Variants in CTNNA3 observed in about 807,000 individuals in gnomAD.
The protein encoded by CTNNA3 is catenin alpha 3.
A neutral mutation model predicts 95.7 loss-of-function variants in CTNNA3; 76 were observed. The ratio of observed to expected loss-of-function variants is 0.79; its 90% CI spans 0.66 to 0.96. The LOEUF (loss-of-function observed/expected upper bound fraction) is 0.96. Ranked by LOEUF, CTNNA3 falls within the 40% of genes least tolerant of loss-of-function variation. The pLI, the probability that CTNNA3 is intolerant of heterozygous loss-of-function variation, is 0.00. For synonymous variants in CTNNA3, 431 were observed against 374.4 expected, an observed-to-expected ratio of 1.15 and a Z score of -1.74; for missense variants, 1,191 against 1,089.8, an observed-to-expected ratio of 1.09 and a Z score of -1.31.
intron 11 of CTNNA3, among the ~76,000 whole-genome samples, chr10:66,439,270 G>A (rs937075528): frequency 2.0e-5 from 3 of 151,980 alleles, no homozygotes; most frequent in African/African-American, 7.3e-5. Context: ...ATTTGTATTT[G>A]TATAATGAGA....
intron 1 of CTNNA3, among the ~76,000 whole-genome samples, chr10:67,727,136 T>A (rs1354082941): frequency 8.2e-6 from 1 of 122,298 alleles, no homozygotes; most frequent in East Asian, 2.3e-4. Context: ...ATATAATATA[T>A]GATACATATA....
intron 11 of CTNNA3, among the ~76,000 whole-genome samples, chr10:66,395,343 T>A (rs16922947): frequency 0.16 from 24,663 of 151,942 alleles, 2,732 homozygotes; most frequent in East Asian, 0.45. Context: ...ACTTGAATTT[T>A]CCACAGGTAT....
chr10:66,755,171 C>T (rs1320832598), intron 9 of CTNNA3, among the ~76,000 whole-genome samples: 1 of 152,048 alleles, frequency 6.6e-6, no homozygotes, highest in African/African-American at 2.4e-5. Context: ...ATAGGTGAAC[C>T]TTGAAAACAT....
At chr10:66,158,358 TC>T in intron 13 of CTNNA3, among the ~76,000 whole-genome samples, 1 of 152,170 alleles carries the variant, frequency 6.6e-6, no homozygotes, top group South Asian at 2.1e-4. Flanking sequence ...CCAGTTTCAT[TC>T]TCCTACATGT....
intron 10 of CTNNA3, among the ~76,000 whole-genome samples, chr10:66,597,445 G>A: frequency 6.8e-6 from 1 of 146,196 alleles, no homozygotes; most frequent in Non-Finnish European, 1.5e-5. Context: ...GGTAGGCTGA[G>A]GCAGGAGGAT....
At chr10:67,651,878 C>T (rs1839887646) in intron 1 of CTNNA3, among the ~76,000 whole-genome samples, 1 of 152,184 alleles carries the variant, frequency 6.6e-6, no homozygotes, top group South Asian at 2.1e-4. Flanking sequence ...TACAGATTGG[C>T]ACCTAGATGT....
chr10:67,419,394 T>C (rs938730114), intron 5 of CTNNA3, among the ~76,000 whole-genome samples: 1 of 151,596 alleles, frequency 6.6e-6, no homozygotes, highest in Non-Finnish European at 1.5e-5. Context: ...TACAGGGGGT[T>C]CATGTGCAGA....
chr10:67,131,103 A>G (rs1246723186), intron 7 of CTNNA3, among the ~76,000 whole-genome samples: 1 of 151,946 alleles, frequency 6.6e-6, no homozygotes, highest in Non-Finnish European at 1.5e-5. Flanking sequence ...TTCCCTTCCT[A>G]CTTTACGCTT....
intron 3 of CTNNA3, among the ~76,000 whole-genome samples, chr10:67,540,126 T>C (rs1840627479): frequency 6.6e-6 from 1 of 152,174 alleles, no homozygotes; most frequent in Non-Finnish European, 1.5e-5. Context: ...ATCAATATAA[T>C]GAATAAACTA....
chr10:67,584,514 C>T (rs1425723264), intron 3 of CTNNA3, among the ~76,000 whole-genome samples: 1 of 151,346 alleles, frequency 6.6e-6, no homozygotes, highest in Non-Finnish European at 1.5e-5. Context: ...ACTCGCGGGT[C>T]ATGGACCCAC....
intron 5 of CTNNA3, among the ~76,000 whole-genome samples, chr10:67,266,899 C>CCAAAACATCAAAT (rs1866849671): frequency 6.6e-6 from 1 of 152,158 alleles, no homozygotes; most frequent in South Asian, 2.1e-4. Context: ...ATACATACAT[C>CCAAAACATCAAAT]CAAAACATCA....
At chr10:66,361,115 C>T (rs79144440) in intron 12 of CTNNA3, among the ~76,000 whole-genome samples, 5,415 of 147,856 alleles carry the variant, frequency 0.037, 127 homozygotes, top group Non-Finnish European at 0.05. Context: ...CACCTTCATA[C>T]CCAGCTAAAT....
intron 5 of CTNNA3, among the ~76,000 whole-genome samples, chr10:67,504,931 A>G (rs74142825): frequency 1.3e-3 from 201 of 152,330 alleles, no homozygotes; most frequent in African/African-American, 4.6e-3. Flanking sequence ...CATCCCAGGT[A>G]AAATAAATTC....
intron 7 of CTNNA3, among the ~76,000 whole-genome samples, chr10:66,855,274 T>A (rs954448528): frequency 6.6e-6 from 1 of 151,954 alleles, no homozygotes; most frequent in Admixed American, 6.6e-5. Flanking sequence ...AACTAGGCTT[T>A]ACCACAGAAC....
intron 13 of CTNNA3, among the ~76,000 whole-genome samples, chr10:66,140,139 C>T (rs1332261142): frequency 6.6e-6 from 1 of 152,150 alleles, no homozygotes; most frequent in African/African-American, 2.4e-5. Flanking sequence ...AACTAATCGC[C>T]ACATAACATG....
chr10:66,634,185 A>G (rs1845255071), intron 9 of CTNNA3, among the ~76,000 whole-genome samples: 1 of 152,186 alleles, frequency 6.6e-6, no homozygotes, highest in African/African-American at 2.4e-5. Context: ...AATAAAACCT[A>G]TCTATACCTG....
intron 2 of CTNNA3, among the ~76,000 whole-genome samples, chr10:67,639,784 A>C (rs2133459303): frequency 6.6e-6 from 1 of 152,322 alleles, no homozygotes; most frequent in Middle Eastern, 3.4e-3. Flanking sequence ...GATGCAGAAA[A>C]GGCCTTTCAC....
intron 11 of CTNNA3, among the ~76,000 whole-genome samples, chr10:66,394,935 A>T (rs74141473): frequency 0.16 from 24,549 of 152,040 alleles, 2,725 homozygotes; most frequent in East Asian, 0.45. Context: ...GCAAATGCAC[A>T]GATAGAATGC....
At chr10:67,147,208 T>C (rs1860889986) in intron 7 of CTNNA3, among the ~76,000 whole-genome samples, 1 of 152,176 alleles carries the variant, frequency 6.6e-6, no homozygotes, top group Non-Finnish European at 1.5e-5. Context: ...TGAATACAAC[T>C]TAAGTAGATT....
Sources: allele counts gnomAD v4.1 joint callset (sites outside exome capture counted in the v4.1 genomes callset), GRCh38; gene constraint gnomAD v4.1.1; transcripts MANE v1.5; gene names NCBI Gene and HGNC (gene_info 2026-07-23, HGNC 2026-07-21).